Variants in HRNR observed in about 807,000 individuals in gnomAD.
HRNR encodes hornerin, also known as filaggrin family member 3.
Under a neutral mutation model 4.8 loss-of-function variants are expected in HRNR, and 7 were observed. The ratio of observed to expected loss-of-function variants is 1.47; its 90% CI spans 0.83 to 2.75. The LOEUF (loss-of-function observed/expected upper bound fraction) is 2.75. Among genes scored for constraint, HRNR ranks in the 30% most tolerant of loss-of-function variants. HRNR has a pLI of 0.00. For synonymous variants in HRNR, 1,023 were observed against 1,242.7 expected (o/e 0.82, Z 3.72); for missense variants, 2,879 against 3,010.4 (o/e 0.96, Z 1.02).
rs140224856 is a variant in HRNR, at chr1:152,218,725, A to T, written c.2904T>A (p.Ser968=). ...EQHGSRSGQS[S]RSEQHGSSSG... ...AGCTAGATCCATGTTGTTCGCTCCT[A>T]GATGACTGTCCTGACCTAGAGCCGT... Residue 968 remains serine, a synonymous_variant, in exon 3 of 3, where the codon TCT becomes TCA. Transcript: ENST00000368801. The T allele has an allele frequency of 1.2e-4, 195 of 1,613,826 alleles. 1 individual carries two copies. The African/African-American group carries it at 2.3e-3, about 19-fold the overall frequency.
In HRNR at chr1:152,218,986, G is replaced by A. The variant is rs548858056; in HGVS notation, c.2643C>T (p.Gly881=). The A allele has an allele frequency of 6.2e-7, 1 of 1,608,784 alleles. No individual in the cohort carries two copies. The highest frequency in any genetic ancestry group is 1.2e-5 in the South Asian group (1 of 86,090). Residue 881 remains glycine (G), a synonymous_variant, in exon 3 of 3, where the codon GGC becomes GGT. Coordinates refer to ENST00000368801, the MANE Select transcript of HRNR (RefSeq NM_001009931.3). ...ACTGGCCAGATCCAGAGCCATGTCG[G>A]CCGCGGCCCGAAGCGTGATGGGAGG... is the stretch of plus-strand genomic sequence containing the variant. The part of the protein sequence containing the change: ...ESASHHASGR[G]RHGSGSGQSP...
At position 152,220,736 on chromosome 1, in the gene HRNR, C is replaced by T. The variant is rs539995597; in HGVS notation, c.893G>A (p.Arg298Gln). 2.2e-5 allele frequency: 36 copies of T among 1,613,608 alleles called. 1 individual carries two copies. Among genetic ancestry groups the T allele is most frequent in the Middle Eastern group, 1.7e-4 (1 of 6,056 alleles). Residue 298 changes from arginine (R) to glutamine (Q), a missense_variant, in exon 3 of 3, where the codon CGA (arginine) becomes CAA (glutamine). Physicochemically the swap from Arg to Gln is conservative, Grantham distance 43 (BLOSUM62 1). This residue lies in a region of HRNR where 2,646 missense variants were observed against 1,377.7 expected (regional missense o/e 1.92). Transcript: ENST00000368801. ...SGSRQSLGHG[R>Q]QGSGSRQSPS... The stretch of plus-strand genomic sequence containing the variant: ...AGACTGGCGAGATCCAGACCCTTGT[C>T]GGCCGTGGCCCAAAGACTGACGGGA...
rs1368681526 is a variant in HRNR, at chr1:152,218,313, C to T, written c.3316G>A (p.Gly1106Ser). ...SGQSSSHGQHGSGSSQSSGYG... is the reference protein window; with the variant it reads ...SGQSSSHGQHSSGSSQSSGYG... ...CCAGAAGACTGACTTGAGCCAGAGC[C>T]ATGCTGACCGTGGCTGGAAGACTGA... The change falls in exon 3 of 3, where the codon GGC becomes AGC. Residue 1106 changes from glycine (G) to serine (S), a missense_variant. Gly to Ser is a moderately conservative substitution (Grantham distance 56). Coordinates refer to ENST00000368801, the MANE Select transcript of HRNR (RefSeq NM_001009931.3). The T allele has an allele frequency of 1.2e-6, 2 of 1,609,048 alleles. No homozygotes were observed. The highest frequency in any genetic ancestry group is 1.7e-6 in the Non-Finnish European group (2 of 1,179,262).
Position 152,218,665 on chromosome 1 carries a change from A to T in HRNR, c.2964T>A (p.Ser988=). The T allele has an allele frequency of 6.2e-7, 1 of 1,613,884 alleles. No homozygotes were observed. The change falls in exon 3 of 3, where the codon TCT becomes TCA. Residue 988 remains serine, a synonymous_variant. Coordinates refer to ENST00000368801, the MANE Select transcript of HRNR (RefSeq NM_001009931.3). The part of the protein sequence containing the change: ...GSSSSYGQHG[S]GSRQSLGHGQ... ...CGTGGCCCAAAGACTGACGGGAGCC[A>T]GACCCATGCTGACCATAGCTGGAAG...
Position 152,213,019 on chromosome 1 carries a change from G to A in HRNR, c.*57C>T. 1.9e-6 allele frequency: 3 copies of A among 1,558,928 alleles called. No individual in the cohort carries two copies. The highest frequency in any genetic ancestry group is 2.6e-6 in the Non-Finnish European group (3 of 1,153,990). ...GCTTGTCTTTCATGATGAATTCATA[G>A]ATGACTTTCCTATTTCTTAAATTGC... On this transcript the variant is annotated 3_prime_UTR_variant, in exon 3 of 3. Transcript: ENST00000368801.
rs1648956579 is a variant in HRNR, at chr1:152,220,807, T to A, written c.822A>T (p.Arg274Ser). The A allele has an allele frequency of 6.2e-7, 1 of 1,612,768 alleles. No individual in the cohort carries two copies. Among genetic ancestry groups the A allele is most frequent in the Non-Finnish European group, 8.5e-7 (1 of 1,179,670 alleles). The change falls in exon 3 of 3, where the codon AGA becomes AGT. Residue 274 changes from arginine (R) to serine (S), a missense_variant. By Grantham distance (110) the Arg-to-Ser change is moderately radical. Coordinates refer to ENST00000368801, the MANE Select transcript of HRNR (RefSeq NM_001009931.3). The part of the protein sequence containing the change: ...SGQSSRGERH[R>S]SSSGSSSSYG... ...AGCTGGAAGACGAACCTGAGCTAGA[T>A]CTGTGTCGTTCACCCCTAGATGACT...
chr1:152,221,059 T>G lies in HRNR; in HGVS notation c.570A>C (p.Ser190=). 6.2e-7 allele frequency: 1 copy of G among 1,613,374 alleles called. No individual in the cohort carries two copies. Among genetic ancestry groups the G allele is most frequent in the Non-Finnish European group, 8.5e-7 (1 of 1,179,452 alleles). ...ACCCAGACCCACATTGGCCGCGGCC[T>G]GAAGACTGATGGGAGTCGGAGTTTT... The part of the protein sequence containing the change: ...GEQNSDSHQS[S]GRGQCGSGSG... Residue 190 remains serine, a synonymous_variant, in exon 3 of 3, where the codon TCA becomes TCC. Coordinates refer to ENST00000368801, the MANE Select transcript of HRNR (RefSeq NM_001009931.3).
Position 152,220,615 on chromosome 1 carries a change from A to G in HRNR, c.1014T>C (p.Tyr338=). Residue 338 remains tyrosine (Y), a synonymous_variant, in exon 3 of 3, where the codon TAT becomes TAC. Transcript: ENST00000368801. ...GSSYSYSRGH[Y]ESGSGQTSGF... is the part of the protein sequence containing the mutation. The stretch of plus-strand genomic sequence containing the variant: ...CAGAAGTCTGGCCTGAGCCAGACTC[A>G]TAATGGCCACGGCTGTAAGAGTAAC... 2.5e-6 allele frequency: 4 copies of G among 1,612,344 alleles called. No homozygotes were observed. Among genetic ancestry groups the G allele is most frequent in the Non-Finnish European group, 3.4e-6 (4 of 1,178,936 alleles).
chr1:152,218,438 C>T lies in HRNR; in HGVS notation c.3191G>A (p.Gly1064Asp), dbSNP rs746792729. 2 of 1,613,436 alleles carry T rather than the reference C, an allele frequency of 1.2e-6. No homozygotes were observed. The highest frequency in any genetic ancestry group is 8.5e-7 in the Non-Finnish European group (1 of 1,179,942). ...ESRSGQSSGY[G>D]QHGSSSGHSS... is the part of the protein sequence containing the mutation. ...ATGACCTGAGCTAGATCCATGTTGA[C>T]CGTAGCCAGAGGACTGTCCTGAGCG... Residue 1064 changes from glycine to aspartate, a missense_variant, in exon 3 of 3, where the codon GGT becomes GAT. By Grantham distance (94) the Gly-to-Asp change is moderately conservative. Coordinates refer to ENST00000368801, the MANE Select transcript of HRNR (RefSeq NM_001009931.3).
rs141565920 is a variant in HRNR, at chr1:152,219,603, C to T, written c.2026G>A (p.Gly676Ser). 3.4e-5 allele frequency: 55 copies of T among 1,610,232 alleles called. No individual in the cohort carries two copies. The highest frequency in any genetic ancestry group is 3.1e-4 in the South Asian group (28 of 90,822). ...GSDFGHSSSYGQHGSGSGWSS... is the reference protein window; with the variant it reads ...GSDFGHSSSYSQHGSGSGWSS... ...CAACCGGAGCCAGACCCATGTTGGCCGTAGCTGGAAGAGTGCCCAAAATCG... is the reference window on the plus strand; with the variant it reads ...CAACCGGAGCCAGACCCATGTTGGCTGTAGCTGGAAGAGTGCCCAAAATCG... Residue 676 changes from glycine to serine, a missense_variant, in exon 3 of 3, where the codon GGC becomes AGC. Transcript: ENST00000368801.
chr1:152,223,060 G>A, intron 2 of HRNR, 56 bp downstream of exon 2: 1 of 1,553,126 alleles, frequency 6.4e-7, no homozygotes, highest in South Asian at 1.1e-5. Flanking sequence ...CAAGAAGGTG[G>A]AAAGGGATAA....
At chr1:152,223,711 T>C (rs1207149345) in intron 1 of HRNR, among the ~76,000 whole-genome samples, 2 of 152,186 alleles carry the variant, frequency 1.3e-5, no homozygotes, top group African/African-American at 4.8e-5. Context: ...TGAACTGAAC[T>C]CTCAAGACTT....
Position 152,219,587 on chromosome 1 carries a change from C to T in HRNR, c.2042G>A (p.Gly681Asp). 2 of 1,613,032 alleles carry T rather than the reference C, an allele frequency of 1.2e-6. No individual in the cohort carries two copies. Among genetic ancestry groups the T allele is most frequent in the Non-Finnish European group, 1.7e-6 (2 of 1,179,580 alleles). Reference protein sequence around the residue: ...HSSSYGQHGSGSGWSSSNGPH... With the variant: ...HSSSYGQHGSDSGWSSSNGPH... ...GCCATTGCTTGAAGACCAACCGGAG[C>T]CAGACCCATGTTGGCCGTAGCTGGA... Residue 681 changes from glycine to aspartate, a missense_variant, in exon 3 of 3, where the codon GGC becomes GAC. Physicochemically the swap from Gly to Asp is moderately conservative, Grantham distance 94. Transcript: ENST00000368801.
chr1:152,220,148 T>A lies in HRNR; in HGVS notation c.1481A>T (p.His494Leu). 1 of 1,613,208 alleles carries A rather than the reference T, an allele frequency of 6.2e-7. No homozygotes were observed. The highest frequency in any genetic ancestry group is 8.5e-7 in the Non-Finnish European group (1 of 1,179,482). ...GSGHSSGHGQ[H>L]GSRSGQSSRG... ...AGATGACTGTCCTGACCTAGAGCCG[T>A]GTTGTCCGTGGCCGGAGGAGTGACC... The change falls in exon 3 of 3, where the codon CAC becomes CTC. Residue 494 changes from histidine to leucine, a missense_variant. Around this residue, in one of 8 missense-constraint regions of HRNR, gnomAD observed 2,646 missense variants for 1,377.7 expected, o/e 1.92. Transcript: ENST00000368801.
chr1:152,220,427 C>A lies in HRNR; in HGVS notation c.1202G>T (p.Gly401Val), dbSNP rs1285388950. The change falls in exon 3 of 3, where the codon GGT becomes GTT. Residue 401 changes from glycine (G) to valine (V), a missense_variant. By Grantham distance (109) the Gly-to-Val change is moderately radical (BLOSUM62 -3). Around this residue, in one of 8 missense-constraint regions of HRNR, gnomAD observed 2,646 missense variants for 1,377.7 expected, o/e 1.92. Transcript: ENST00000368801. ...GSSSRQSSSY[G>V]QHESASRHSS... ...GTGACGGGAGGCAGACTCATGCTGA[C>A]CATAGCTGGAAGACTGACGTGAGCT... The A allele has an allele frequency of 1.2e-6, 2 of 1,613,954 alleles. No homozygotes were observed. The highest frequency in any genetic ancestry group is 1.7e-6 in the Non-Finnish European group (2 of 1,180,008).
chr1:152,219,675 G>A lies in HRNR; in HGVS notation c.1954C>T (p.Gln652Ter). Residue 652 changes from glutamine to a stop codon, truncating the protein, a stop_gained, in exon 3 of 3, where the codon CAG becomes TAG. Coordinates refer to ENST00000368801, the MANE Select transcript of HRNR (RefSeq NM_001009931.3). LOFTEE classifies it low-confidence loss of function (END_TRUNC). ...GGAGACTGGCCAGATCCAGAGCCCT[G>A]TTGGCCATAGCGAGAAGACTGACTT... ...GSSQSSRYGQ[Q>*]GSGSGQSPSR... 6.2e-7 allele frequency: 1 copy of A among 1,613,390 alleles called. No homozygotes were observed. Among genetic ancestry groups the A allele is most frequent in the Non-Finnish European group, 8.5e-7 (1 of 1,179,506 alleles).
chr1:152,219,288 G>A lies in HRNR; in HGVS notation c.2341C>T (p.His781Tyr). Residue 781 changes from histidine (H) to tyrosine (Y), a missense_variant, in exon 3 of 3, where the codon CAT becomes TAT. By Grantham distance (83) the His-to-Tyr change is moderately conservative (BLOSUM62 2). Around this residue, in one of 8 missense-constraint regions of HRNR, gnomAD observed 2,646 missense variants for 1,377.7 expected, o/e 1.92. Coordinates refer to ENST00000368801, the MANE Select transcript of HRNR (RefSeq NM_001009931.3). ...GSGHSPSRVR[H>Y]GSSSGHSSSH... ...GAGGAGTGCCCTGAACTGGACCCAT[G>A]TCGGACACGGCTAGGAGAGTGGCCA... The A allele has an allele frequency of 6.2e-7, 1 of 1,613,608 alleles. No individual in the cohort carries two copies.
At position 152,213,142 on chromosome 1, in the gene HRNR, G is replaced by A. The variant is rs760194976; in HGVS notation, c.8487C>T (p.Leu2829=). The A allele has an allele frequency of 4.8e-5, 77 of 1,613,880 alleles. No individual in the cohort carries two copies. Among genetic ancestry groups the A allele is most frequent in the Admixed American group, 2.0e-4 (12 of 60,000 alleles). The part of the protein sequence containing the change: ...HDGGSSGSYF[L]SFPSSTSPYE... Reference sequence around the variant, plus strand: ...AGGGTGAAGTGCTACTAGGAAAACTGAGAAAATATGAGCCAGAACTTCCCC... The same window carrying A: ...AGGGTGAAGTGCTACTAGGAAAACTAAGAAAATATGAGCCAGAACTTCCCC... Residue 2829 remains leucine, a synonymous_variant, in exon 3 of 3, where the codon CTC becomes CTT. Transcript: ENST00000368801.
chr1:152,219,519 TG>T lies in HRNR; in HGVS notation c.2109del (p.His703GlnfsTer348), dbSNP rs1648855409. On this transcript the variant is annotated frameshift_variant, in exon 3 of 3. Transcript: ENST00000368801. LOFTEE classifies it low-confidence loss of function (END_TRUNC). ...SVSGQSSGFG[H>X]KSGSGQSSGY... ...CCAGAGGACTGCCCTGAGCCAGACTTGTGACCAAAGCCGGAAGACTGGCCTG... is the reference window on the plus strand; with the variant it reads ...CCAGAGGACTGCCCTGAGCCAGACTTTGACCAAAGCCGGAAGACTGGCCTG... The T allele has an allele frequency of 6.2e-7, 1 of 1,611,030 alleles. No homozygotes were observed. The highest frequency in any genetic ancestry group is 2.2e-5 in the East Asian group (1 of 44,642).
Sources: gnomAD v4.1 joint callset for allele counts (sites outside exome capture counted in the v4.1 genomes callset) on GRCh38, gnomAD v4.1.1 for gene constraint, gnomAD v4.1.1 regional missense constraint, MANE v1.5 for transcripts, NCBI Gene and HGNC (gene_info 2026-07-23, HGNC 2026-07-21) for gene names.